ENTHD1: variants seen among roughly 807,000 people sequenced by gnomAD.
ENTHD1 encodes ENTH domain-containing protein 1.
A neutral mutation model predicts 39.1 loss-of-function variants in ENTHD1; 23 were observed. The ratio of observed to expected loss-of-function variants is 0.59; its 90% CI spans 0.42 to 0.83. ENTHD1 has a LOEUF of 0.83. Ranked by LOEUF, ENTHD1 falls within the 40% of genes least tolerant of loss-of-function variation. The pLI, the probability that ENTHD1 is intolerant of heterozygous loss-of-function variation, is 0.00. For missense variants in ENTHD1, 624 were observed against 705.4 expected (o/e 0.88, Z 1.31); for synonymous variants, 230 against 258.2 (o/e 0.89, Z 1.05).
At chr22:39,809,118 C>G (rs2065666056) in intron 5 of ENTHD1, among the ~76,000 whole-genome samples, 1 of 152,202 alleles carries the variant, frequency 6.6e-6, no homozygotes, top group African/African-American at 2.4e-5. Flanking sequence ...CAGCAACTTT[C>G]CCCAAAATGG....
At chr22:39,857,181 G>A (rs1218800425) in intron 3 of ENTHD1, among the ~76,000 whole-genome samples, 2 of 152,082 alleles carry the variant, frequency 1.3e-5, no homozygotes, top group African/African-American at 2.4e-5. Flanking sequence ...AGTGGCTCAT[G>A]ACTGTAATCC....
intron 2 of ENTHD1, among the ~76,000 whole-genome samples, chr22:39,863,958 C>T (rs1159424321): frequency 1.3e-5 from 2 of 152,212 alleles, no homozygotes; most frequent in Non-Finnish European, 2.9e-5. Flanking sequence ...TTATTTCTTC[C>T]TTCCAAATCT....
chr22:39,862,504 C>T (rs1896312318), intron 2 of ENTHD1, among the ~76,000 whole-genome samples: 2 of 146,694 alleles, frequency 1.4e-5, no homozygotes, highest in South Asian at 4.3e-4. Flanking sequence ...GCTGAGATTG[C>T]ACCACTGCAC....
intron 2 of ENTHD1, among the ~76,000 whole-genome samples, chr22:39,872,948 G>GC (rs959867402): frequency 1.9e-4 from 28 of 149,882 alleles, no homozygotes; most frequent in African/African-American, 6.1e-4. Flanking sequence ...TTCCACCTCA[G>GC]CCCCCCATCA....
intron 3 of ENTHD1, among the ~76,000 whole-genome samples, chr22:39,843,622 A>G (rs1389463996): frequency 1.3e-5 from 2 of 152,126 alleles, no homozygotes; most frequent in African/African-American, 2.4e-5. Flanking sequence ...ATAAAAGAAA[A>G]AAAAAAACTA....
At chr22:39,862,546 C>CAAAAAA (rs553393294) in intron 2 of ENTHD1, among the ~76,000 whole-genome samples, 2 of 70,344 alleles carry the variant, frequency 2.8e-5, no homozygotes, top group Non-Finnish European at 5.6e-5. Context: ...GACTCTGTCT[C>CAAAAAA]AAAAAAAAAA....
chr22:39,883,019 A>T (rs185456947), intron 2 of ENTHD1, among the ~76,000 whole-genome samples: 8 of 151,358 alleles, frequency 5.3e-5, no homozygotes, highest in African/African-American at 1.4e-4. Context: ...AAAAAAAAAA[A>T]AAAAAGAAAG....
chr22:39,866,934 G>A (rs904269419), intron 2 of ENTHD1, among the ~76,000 whole-genome samples: 2 of 151,792 alleles, frequency 1.3e-5, no homozygotes, highest in Non-Finnish European at 2.9e-5. Context: ...ACGGAGTCTC[G>A]CTCTGTTGCC....
intron 5 of ENTHD1, among the ~76,000 whole-genome samples, chr22:39,798,583 C>T (rs1036254745): frequency 5.9e-5 from 9 of 152,112 alleles, no homozygotes; most frequent in Non-Finnish European, 8.8e-5. Context: ...AGCTTTTTCT[C>T]GGGACAGGAG....
chr22:39,773,117 C>CAAAAAAAAAAA (rs57398699), intron 5 of ENTHD1, among the ~76,000 whole-genome samples: 2 of 36,140 alleles, frequency 5.5e-5, no homozygotes, highest in African/African-American at 2.0e-4. Context: ...GACCTCATCT[C>CAAAAAAAAAAA]AAAAAAAAAA....
At chr22:39,831,631 C>T (rs1242900522) in intron 4 of ENTHD1, among the ~76,000 whole-genome samples, 1 of 151,994 alleles carries the variant, frequency 6.6e-6, no homozygotes, top group Non-Finnish European at 1.5e-5. Context: ...TCAAGACCAG[C>T]CTGGCCAACA....
At chr22:39,847,263 C>T (rs925969021) in intron 3 of ENTHD1, among the ~76,000 whole-genome samples, 4 of 150,140 alleles carry the variant, frequency 2.7e-5, no homozygotes, top group Admixed American at 6.7e-5. Flanking sequence ...AGTAAACTAT[C>T]GCAAGGACAA....
chr22:39,765,798 C>A (rs2065271965), intron 5 of ENTHD1, among the ~76,000 whole-genome samples, 189 bp from the exon 6 acceptor site: 1 of 151,776 alleles, frequency 6.6e-6, no homozygotes, highest in Non-Finnish European at 1.5e-5. Flanking sequence ...ATAATTGACG[C>A]CTTAGTCATT....
intron 2 of ENTHD1, chr22:39,875,719 T>A (rs560484480): frequency 2.5e-6 from 4 of 1,612,828 alleles, no homozygotes; most frequent in Non-Finnish European, 3.4e-6. Flanking sequence ...TGAGTGCTTC[T>A]GCTGATGTGT....
chr22:39,837,242 A>G (rs1601629885), intron 3 of ENTHD1, among the ~76,000 whole-genome samples: 1 of 152,314 alleles, frequency 6.6e-6, no homozygotes, highest in East Asian at 1.9e-4. Flanking sequence ...TACTGGAGAT[A>G]TGTAAAGATT....
At chr22:39,864,876 C>T (rs777560801) in intron 2 of ENTHD1, among the ~76,000 whole-genome samples, 65 of 151,960 alleles carry the variant, frequency 4.3e-4, no homozygotes, top group Non-Finnish European at 7.4e-4. Flanking sequence ...TGGGTGACAG[C>T]GTGAGACTCA....
chr22:39,854,616 A>ATCTC (rs2066070236), intron 3 of ENTHD1, among the ~76,000 whole-genome samples: 1 of 152,098 alleles, frequency 6.6e-6, no homozygotes, highest in South Asian at 2.1e-4. Flanking sequence ...CCTTCAGTCC[A>ATCTC]TCTCTTCCTT....
chr22:39,744,172 G>T lies in ENTHD1; in HGVS notation c.1331C>A (p.Pro444His). The part of the protein sequence containing the change: ...AHLLSPILAG[P>H]SFWTLSHQQL... ...TTGATGGGACAGAGTCCAGAAGGAA[G>T]GTCCGGCCAGAATTGGTGATAAGAG... The change falls in exon 7 of 7, where the codon CCT becomes CAT. Residue 444 changes from proline to histidine, a missense_variant. Transcript: ENST00000325157. 6.2e-7 allele frequency: 1 copy of T among 1,614,092 alleles called. No homozygotes were observed. The highest frequency in any genetic ancestry group is 8.5e-7 in the Non-Finnish European group (1 of 1,179,988).
chr22:39,857,932 T>C (rs2066108507), intron 3 of ENTHD1, among the ~76,000 whole-genome samples: 1 of 152,202 alleles, frequency 6.6e-6, no homozygotes, highest in Admixed American at 6.5e-5. Flanking sequence ...TGTCTCCATG[T>C]TGAGGGCTGC....
Sources: allele counts gnomAD v4.1 joint callset (sites outside exome capture counted in the v4.1 genomes callset), GRCh38; gene constraint gnomAD v4.1.1; transcripts MANE v1.5; gene names NCBI Gene and HGNC (gene_info 2026-07-23, HGNC 2026-07-21).